The following STRA6 variants were observed in gnomAD, a reference collection of about 807,000 sequenced individuals.
STRA6 encodes the protein signaling receptor and transporter of retinol STRA6.
A neutral mutation model predicts 83.6 loss-of-function variants in STRA6; 48 were observed. The observed-to-expected ratio is 0.57, with a 90% CI of 0.46 to 0.73. STRA6 has a LOEUF of 0.73. STRA6 is among the 30% of genes least tolerant of loss of function. The pLI, the probability that STRA6 is intolerant of heterozygous loss-of-function variation, is 0.00. For synonymous variants in STRA6, 353 were observed against 362.3 expected, an observed-to-expected ratio of 0.97 and a Z score of 0.29; for missense variants, 760 against 838.8, an observed-to-expected ratio of 0.91 and a Z score of 1.16.
chr15:74,185,094 C>A, intron 12 of STRA6, 39 bp from the exon 13 acceptor site: 1 of 1,604,798 alleles, frequency 6.2e-7, no homozygotes, highest in South Asian at 1.1e-5. Context: ...AGGTCAGGGT[C>A]TGGAGAGTCT....
At chr15:74,190,981 A>G (rs2073502510) in intron 10 of STRA6, 80 bp from the exon 11 acceptor site, 1 of 1,600,888 alleles carries the variant, frequency 6.2e-7, no homozygotes. Context: ...GGGGCCCAGG[A>G]AAAGGGCCAG....
Position 74,189,213 on chromosome 15 carries a change from G to T in STRA6, c.992C>A (p.Thr331Lys). 1.2e-6 allele frequency: 2 copies of T among 1,612,664 alleles called. No homozygotes were observed. Among genetic ancestry groups the T allele is most frequent in the Non-Finnish European group, 1.7e-6 (2 of 1,179,430 alleles). Reference sequence around the variant, plus strand: ...GCCGGCCAGCAGGTAGGAGACATCCGTGGTGACCCCTGCCCTCACCTTCTG... The same window carrying T: ...GCCGGCCAGCAGGTAGGAGACATCCTTGGTGACCCCTGCCCTCACCTTCTG... Reference protein sequence around the residue: ...TIQKVRAGVTTDVSYLLAGFG... With the variant: ...TIQKVRAGVTKDVSYLLAGFG... The change falls in exon 12 of 19, where the codon ACG becomes AAG. Residue 331 changes from threonine (T) to lysine (K), a missense_variant. Coordinates refer to ENST00000395105, the MANE Select transcript of STRA6 (RefSeq NM_022369.4).
At chr15:74,183,796 G>C in intron 14 of STRA6, 60 bp downstream of exon 14, 1 of 1,612,514 alleles carries the variant, frequency 6.2e-7, no homozygotes, top group Non-Finnish European at 8.5e-7. Context: ...CCCCAACTGA[G>C]GCCAGTGTCT....
In STRA6 at chr15:74,180,936, G is replaced by A. The variant is rs777194552; in HGVS notation, c.1686C>T (p.Gly562=). The A allele has an allele frequency of 3.7e-6, 6 of 1,613,762 alleles. No individual in the cohort carries two copies. The South Asian group carries it at 6.6e-5, about 18-fold the overall frequency. ...LPPRAATLDP[G]YYTYRNFLKI... ...TCAAGAAGTTTCGGTACGTGTAGTAGCCTGGGGTGGGGTGGCGGATGGCAA... is the reference window on the plus strand; with the variant it reads ...TCAAGAAGTTTCGGTACGTGTAGTAACCTGGGGTGGGGTGGCGGATGGCAA... Residue 562 remains glycine (G), a splice_region_variant and synonymous_variant, in exon 18 of 19, where the codon GGC becomes GGT. Transcript: ENST00000395105.
In STRA6 at chr15:74,196,124, T is replaced by A. The variant is rs776162768; in HGVS notation, c.290A>T (p.Asp97Val). Residue 97 changes from aspartate (D) to valine (V), a missense_variant, in exon 5 of 19, where the codon GAC (aspartate) becomes GTC (valine). Physicochemically the swap from Asp to Val is radical, Grantham distance 152. Transcript: ENST00000395105. ...LPSPVDFLAG[D>V]RPRAVPAAVF... Reference sequence around the variant, plus strand: ...AGCAGCAGGCACTGCCCGGGGCCTGTCCCCAGCCAAGAAATCCACAGGGCT... The same window carrying A: ...AGCAGCAGGCACTGCCCGGGGCCTGACCCCAGCCAAGAAATCCACAGGGCT... 1 of 1,613,484 alleles carries A rather than the reference T, an allele frequency of 6.2e-7. No individual in the cohort carries two copies. The highest frequency in any genetic ancestry group is 1.7e-5 in the Admixed American group (1 of 59,984).
intron 17 of STRA6, 25 bp from the exon 18 acceptor site, chr15:74,180,962 T>C (rs2072949892): frequency 1.2e-6 from 2 of 1,612,460 alleles, no homozygotes; most frequent in South Asian, 1.1e-5. Context: ...CGGATGGCAA[T>C]GCTGGGGGAG....
rs1309921525 is a variant in STRA6, at chr15:74,188,127, A to G, written c.1090+988T>C. ...TACGGGAACTGAGGTGCTCACGGAG[A>G]TGGTGGAGGTGGTCAGGGAAGGAAG... On this transcript the variant is annotated intron_variant, in intron 12 of 18. Coordinates refer to ENST00000395105, the MANE Select transcript of STRA6 (RefSeq NM_022369.4). The surrounding 1 kb of genome is among the most constrained non-coding windows in gnomAD (Gnocchi z 4.5). Among the ~76,000 whole-genome samples the G allele has an allele frequency of 6.6e-6, 1 of 152,184 alleles. No homozygotes were observed. Among genetic ancestry groups the G allele is most frequent in the Non-Finnish European group, 1.5e-5 (1 of 68,022 alleles).
intron 13 of STRA6, 60 bp downstream of exon 13, chr15:74,184,920 C>A: frequency 6.4e-7 from 1 of 1,559,796 alleles, no homozygotes; most frequent in Non-Finnish European, 8.8e-7. Flanking sequence ...CCCCGCAGGC[C>A]CACAGGACTC....
rs1365016561 is a variant in STRA6 at position 74,181,450 on chromosome 15, AG to A, written c.1528del (p.Leu510SerfsTer61). The A allele has an allele frequency of 6.2e-7, 1 of 1,613,792 alleles. No individual in the cohort carries two copies. The highest frequency in any genetic ancestry group is 2.2e-5 in the East Asian group (1 of 44,860). ...GHPQLTNRRVLYAATFLLFPL... is the reference protein window; with the variant it reads ...GHPQLTNRRVXYAATFLLFPL... The stretch of plus-strand genomic sequence containing the variant: ...GAAGAGAAGAAAGGTGGCTGCATAG[AG>A]CACTCGCCTAGGATGGGAGAAGAAA... On this transcript the variant is annotated frameshift_variant, in exon 17 of 19. Transcript: ENST00000395105. LOFTEE classifies it high-confidence loss of function.
At chr15:74,205,579 A>G (rs1227811970), upstream of STRA6, among the ~76,000 whole-genome samples, 1 of 152,230 alleles carries the variant, frequency 6.6e-6, no homozygotes, top group East Asian at 1.9e-4. Flanking sequence ...CCTCACTTCC[A>G]ACACTGGGGT....
At chr15:74,204,096 AGG>A (rs2074197035), upstream of STRA6, among the ~76,000 whole-genome samples, 1 of 152,222 alleles carries the variant, frequency 6.6e-6, no homozygotes, top group Admixed American at 6.5e-5. Context: ...TTGCAGGAAG[AGG>A]GCTCTGTTGC....
chr15:74,186,219 G>T (rs1475969280), intron 12 of STRA6, among the ~76,000 whole-genome samples: 2 of 152,190 alleles, frequency 1.3e-5, no homozygotes, highest in African/African-American at 2.4e-5. Flanking sequence ...CTGCTCTGGG[G>T]GCTTTCCAAA....
rs971757 is a variant in STRA6, at chr15:74,195,505, G to A, written c.431-37C>T. 295,347 of 1,607,720 alleles carry A rather than the reference G, an allele frequency of 0.18. 31,265 individuals are homozygous for A. The highest frequency in any genetic ancestry group is 0.21 in the Non-Finnish European group (251,587 of 1,177,668). On this transcript the variant is annotated intron_variant, in intron 6 of 18. Coordinates refer to ENST00000395105, the MANE Select transcript of STRA6 (RefSeq NM_022369.4). ...AACAAGCAGAGAGACCCATGCTGGA[G>A]GGGCAGACATGGGGCCTGCAGTGAG...
Position 74,195,443 on chromosome 15 carries a change from G to A in STRA6, c.456C>T (p.Phe152=), listed in dbSNP as rs2073765323. 1.2e-6 allele frequency: 2 copies of A among 1,613,476 alleles called. No homozygotes were observed. Among genetic ancestry groups the A allele is most frequent in the African/African-American group, 1.3e-5 (1 of 74,908 alleles). Residue 152 remains phenylalanine (F), a synonymous_variant, in exon 7 of 19, where the codon TTC becomes TTT. Coordinates refer to ENST00000395105, the MANE Select transcript of STRA6 (RefSeq NM_022369.4). ...PRGAWKILGL[F]YYAALYYPLA... ...GAGGGTAGTAGAGGGCAGCATAATA[G>A]AACAGTCCCAGTATCTTCCAGGCCC...
chr15:74,193,721 G>A, intron 8 of STRA6, 79 bp downstream of exon 8: 1 of 1,599,684 alleles, frequency 6.3e-7, no homozygotes. Context: ...GCACGGCCAT[G>A]TATCTGGGAC....
At chr15:74,207,953 T>A in intron 1 of STRA6, 1 of 1,439,064 alleles carries the variant, frequency 6.9e-7, no homozygotes, top group Non-Finnish European at 9.1e-7. Flanking sequence ...CCTGTCTCTC[T>A]ACCTCCTACC....
At chr15:74,207,745 G>A (rs2074293538), upstream of STRA6, 8 of 1,535,756 alleles carry the variant, frequency 5.2e-6, no homozygotes, top group East Asian at 2.0e-4. Flanking sequence ...AGCCGAGAGA[G>A]TCAACCTCAT....
rs1312556185 is a variant in STRA6 at position 74,182,383 on chromosome 15, C to G, written c.1378G>C (p.Gly460Arg). Residue 460 changes from glycine to arginine, a missense_variant, in exon 15 of 19, where the codon GGC becomes CGC. Coordinates refer to ENST00000395105, the MANE Select transcript of STRA6 (RefSeq NM_022369.4). The part of the protein sequence containing the change: ...AFLVLMPVLH[G>R]RNLLLFRSLE... ...GAACGGAAGAGCAGGAGGTTCCTGC[C>G]ATGGAGCACAGGCATGAGCACCAGG... 8 of 1,613,774 alleles carry G rather than the reference C, an allele frequency of 5.0e-6. No homozygotes were observed. The highest frequency in any genetic ancestry group is 1.7e-5 in the Admixed American group (1 of 59,992).
chr15:74,209,857 A>G (rs1003713643), upstream of STRA6, among the ~76,000 whole-genome samples: 1 of 152,208 alleles, frequency 6.6e-6, no homozygotes, highest in African/African-American at 2.4e-5. Flanking sequence ...CGGGCCAAGA[A>G]GCGGGGCCCT....
Sources: gnomAD v4.1 joint callset for allele counts (sites outside exome capture counted in the v4.1 genomes callset) on GRCh38, gnomAD v4.1.1 for gene constraint, Gnocchi (gnomAD v3.1) non-coding constraint, MANE v1.5 for transcripts, NCBI Gene and HGNC (gene_info 2026-07-23, HGNC 2026-07-21) for gene names.